Variants in GARRE1 observed in about 807,000 individuals in gnomAD.
GARRE1 encodes the protein granule associated Rac and RHOG effector protein 1.
Under a neutral mutation model 103.2 loss-of-function variants are expected in GARRE1, and 49 were observed. That is an observed-to-expected ratio of 0.47 (90% CI 0.38 to 0.60). GARRE1 has a LOEUF of 0.60. Ranked by LOEUF, GARRE1 falls within the 20% of genes least tolerant of loss-of-function variation. The probability of loss-of-function intolerance (pLI) is 0.00; values close to 1 mark genes in which losing one functional copy is unlikely to be tolerated. For missense variants in GARRE1, 1,199 were observed against 1,370.5 expected (o/e 0.87, Z 1.98); for synonymous variants, 505 against 532.8 (o/e 0.95, Z 0.72).
chr19:34,262,024 C>A (rs910881717), intron 1 of GARRE1, among the ~76,000 whole-genome samples: 1 of 152,044 alleles, frequency 6.6e-6, no homozygotes, highest in Non-Finnish European at 1.5e-5. Context: ...TGCTCTGTCA[C>A]CCTGGCTGGA....
intron 12 of GARRE1, among the ~76,000 whole-genome samples, chr19:34,349,355 G>A (rs1359698578): frequency 1.3e-5 from 2 of 152,132 alleles, no homozygotes; most frequent in Non-Finnish European, 1.5e-5. Context: ...GCCTCATCTT[G>A]TGCAGATCAA....
rs749461324 is a variant in GARRE1, at chr19:34,320,018, C to T, written c.607C>T (p.Pro203Ser). 1 of 1,614,180 alleles carries T rather than the reference C, an allele frequency of 6.2e-7. No homozygotes were observed. The highest frequency in any genetic ancestry group is 8.5e-7 in the Non-Finnish European group (1 of 1,180,032). Reference protein sequence around the residue: ...AHSCFAEVIVPEKKNSGSGGG... With the variant: ...AHSCFAEVIVSEKKNSGSGGG... ...CTCTTGCTTTGCTGAGGTCATCGTG[C>T]CAGAAAAAAAGAACAGCGGCAGTGG... Residue 203 changes from proline (P) to serine (S), a missense_variant, in exon 3 of 14, where the codon CCA (proline) becomes TCA (serine). Physicochemically the swap from Pro to Ser is moderately conservative, Grantham distance 74 (BLOSUM62 -1). Transcript: ENST00000299505.
rs753131048 is a variant in GARRE1 at position 34,300,826 on chromosome 19, A to G, written c.353A>G (p.Lys118Arg). The G allele has an allele frequency of 4.3e-6, 7 of 1,614,114 alleles. No individual in the cohort carries two copies. Among genetic ancestry groups the G allele is most frequent in the Admixed American group, 1.7e-5 (1 of 59,998 alleles). Residue 118 changes from lysine to arginine, a missense_variant, in exon 2 of 14, where the codon AAA becomes AGA. Transcript: ENST00000299505. ...SHYSKAATQLKDVQEHVMEAA... is the reference protein window; with the variant it reads ...SHYSKAATQLRDVQEHVMEAA... ...TACTCAAAGGCAGCCACACAGCTCAAAGATGTGCAGGAGCATGTCATGGAA... is the reference window on the plus strand; with the variant it reads ...TACTCAAAGGCAGCCACACAGCTCAGAGATGTGCAGGAGCATGTCATGGAA...
At chr19:34,306,751 G>A (rs1599765791) in intron 2 of GARRE1, among the ~76,000 whole-genome samples, 1 of 152,192 alleles carries the variant, frequency 6.6e-6, no homozygotes, top group African/African-American at 2.4e-5. Flanking sequence ...TTCAGTGGAA[G>A]TGTACATAAA....
intron 1 of GARRE1, among the ~76,000 whole-genome samples, chr19:34,263,232 A>G (rs1263432555): frequency 2.0e-5 from 3 of 150,186 alleles, no homozygotes; most frequent in African/African-American, 7.4e-5. Flanking sequence ...ATAAATAAAA[A>G]TAAAATAAAT....
chr19:34,300,170 A>G lies in GARRE1; in HGVS notation c.-304A>G, dbSNP rs989639689. 6.4e-6 allele frequency: 2 copies of G among 312,002 alleles called. No individual in the cohort carries two copies. Among genetic ancestry groups the G allele is most frequent in the African/African-American group, 2.1e-5 (1 of 46,750 alleles). The allele number at this position is 312,002 out of a possible 1,614,324, so 19.3% of individuals were successfully genotyped here. A position where few individuals can be genotyped will look rare whatever the true frequency, so the allele number is the denominator to read the frequency against. On this transcript the variant is annotated 5_prime_UTR_variant, in exon 2 of 14. Transcript: ENST00000299505. ...TATCAAAATATTCTTGCAAAGAAGT[A>G]AACATTTTTCTCAGCAAGCATATCC...
intron 2 of GARRE1, among the ~76,000 whole-genome samples, chr19:34,301,526 A>G (rs2145242388): frequency 6.6e-6 from 1 of 151,190 alleles, no homozygotes; most frequent in East Asian, 1.9e-4. Context: ...AAAAAAAAAA[A>G]AAAAAAAAAA....
rs2074191048 is a variant in GARRE1, at chr19:34,342,379, T to C, written c.2445T>C (p.Asn815=). Residue 815 remains asparagine, a synonymous_variant, in exon 10 of 14, where the codon AAT becomes AAC. Coordinates refer to ENST00000299505, the MANE Select transcript of GARRE1 (RefSeq NM_014686.5). ...GACAGAAGCCGCAGGGACCTAGAAA[T>C]AACACCTGGCCCAACCGTGACCAAA... ...VLGQKPQGPR[N]NTWPNRDQSD... is the part of the protein sequence containing the mutation. The C allele has an allele frequency of 6.2e-7, 1 of 1,613,990 alleles. No homozygotes were observed. The highest frequency in any genetic ancestry group is 1.1e-5 in the South Asian group (1 of 91,074).
chr19:34,309,245 A>G (rs2074025989), intron 2 of GARRE1, among the ~76,000 whole-genome samples: 1 of 152,226 alleles, frequency 6.6e-6, no homozygotes, highest in Non-Finnish European at 1.5e-5. Flanking sequence ...TTGTTCAACA[A>G]GTCAGTAGCA....
chr19:34,263,190 G>C (rs1230086798), intron 1 of GARRE1, among the ~76,000 whole-genome samples: 1 of 151,968 alleles, frequency 6.6e-6, no homozygotes, highest in Admixed American at 6.6e-5. Context: ...TCCAGCCTGG[G>C]TGACAGAGCA....
At chr19:34,337,268 C>T (rs779995717) in intron 8 of GARRE1, among the ~76,000 whole-genome samples, 3 of 152,110 alleles carry the variant, frequency 2.0e-5, no homozygotes, top group Non-Finnish European at 4.4e-5. Flanking sequence ...CCCTGCCCCT[C>T]ATAAACCAAC....
chr19:34,314,941 C>G (rs1271624083), intron 2 of GARRE1, among the ~76,000 whole-genome samples: 5 of 152,230 alleles, frequency 3.3e-5, no homozygotes, highest in African/African-American at 1.2e-4. Context: ...GAATGATCAT[C>G]AGAACAAAAG....
At chr19:34,259,722 G>A (rs2073703370) in intron 1 of GARRE1, among the ~76,000 whole-genome samples, 1 of 152,104 alleles carries the variant, frequency 6.6e-6, no homozygotes, top group Non-Finnish European at 1.5e-5. Context: ...GAGGAGCCAG[G>A]GGCAGAATGA....
chr19:34,310,768 G>T (rs1291465605), intron 2 of GARRE1, among the ~76,000 whole-genome samples: 1 of 152,138 alleles, frequency 6.6e-6, no homozygotes, highest in African/African-American at 2.4e-5. Context: ...CCTGAAGTCT[G>T]TTGATTCGGC....
intron 1 of GARRE1, among the ~76,000 whole-genome samples, chr19:34,254,926 G>A (rs1162808405): frequency 2.6e-5 from 4 of 151,176 alleles, no homozygotes; most frequent in African/African-American, 9.7e-5. Flanking sequence ...GTCGGCGCCC[G>A]TCAGGCGGGG....
chr19:34,301,066 G>A (rs146007478), intron 2 of GARRE1, 98 bp downstream of exon 2: 67 of 1,265,546 alleles, frequency 5.3e-5, no homozygotes, highest in Non-Finnish European at 7.0e-5. Flanking sequence ...TGTAATAGTA[G>A]CCTTTGTCCT....
rs557611252 is a variant in GARRE1, at chr19:34,330,433, A to G, written c.1263+86A>G. ...ATGTGGTGCAGACACATGTGTGAAA[A>G]TATTGAATAATTTAAAAAGTTATTT... On this transcript the variant is annotated intron_variant, in intron 7 of 13. Transcript: ENST00000299505. 230 of 1,350,488 alleles carry G rather than the reference A, an allele frequency of 1.7e-4. 4 individuals carry two copies. In the South Asian group the frequency reaches 2.5e-3, roughly 15 times the overall value. The allele number at this position is 1,350,488 out of a possible 1,614,324, so 83.7% of individuals were successfully genotyped here.
intron 10 of GARRE1, among the ~76,000 whole-genome samples, chr19:34,343,078 T>C (rs984355264): frequency 2.0e-5 from 3 of 152,198 alleles, no homozygotes; most frequent in Non-Finnish European, 4.4e-5. Flanking sequence ...AAAGGATCTT[T>C]GGAAGACCAA....
chr19:34,340,732 A>G (rs1410454893), intron 9 of GARRE1, among the ~76,000 whole-genome samples: 2 of 152,158 alleles, frequency 1.3e-5, no homozygotes, highest in Non-Finnish European at 2.9e-5. Flanking sequence ...TGTGTTGGCC[A>G]GGCTGGTATC....
Sources: gnomAD v4.1 joint callset for allele counts (sites outside exome capture counted in the v4.1 genomes callset) on GRCh38, gnomAD v4.1.1 for gene constraint, MANE v1.5 for transcripts, NCBI Gene and HGNC (gene_info 2026-07-23, HGNC 2026-07-21) for gene names.